SH2D3C: variants seen among roughly 807,000 people sequenced by gnomAD.
SH2D3C encodes the protein SH2 domain containing 3C, also known as SH2 domain-containing protein 3C.
A neutral mutation model predicts 75.2 loss-of-function variants in SH2D3C; 25 were observed. The ratio of observed to expected loss-of-function variants is 0.33; its 90% CI spans 0.24 to 0.46. The LOEUF (loss-of-function observed/expected upper bound fraction) is 0.46. Ranked by LOEUF, SH2D3C falls within the 20% of genes least tolerant of loss-of-function variation. SH2D3C has a pLI of 1.00. For synonymous variants in SH2D3C, 450 were observed against 473.7 expected (o/e 0.95, Z 0.65); for missense variants, 933 against 1,165.3 (o/e 0.80, Z 2.90).
chr9:127,755,382 C>T (rs1174002197), intron 3 of SH2D3C: 2 of 350,750 alleles, frequency 5.7e-6, no homozygotes, highest in Non-Finnish European at 9.6e-6. Flanking sequence ...CCGCCCGCCC[C>T]CCGCTCCCAG....
At chr9:127,747,366 G>T in intron 5 of SH2D3C, 95 bp from the exon 6 acceptor site, 1 of 1,184,070 alleles carries the variant, frequency 8.4e-7, no homozygotes, top group Non-Finnish European at 1.2e-6. Context: ...GAACTTCAGA[G>T]GCAGAGAAGG....
chr9:127,767,002 C>A (rs373507513), intron 2 of SH2D3C: 1 of 1,536,066 alleles, frequency 6.5e-7, no homozygotes, highest in African/African-American at 1.4e-5. Flanking sequence ...TCTGCCAGGA[C>A]ACCAGCCATG....
chr9:127,768,591 A>C (rs1845677690), intron 2 of SH2D3C, among the ~76,000 whole-genome samples: 1 of 152,204 alleles, frequency 6.6e-6, no homozygotes, highest in African/African-American at 2.4e-5. Flanking sequence ...GTCTCAAAAA[A>C]ACATCAAACA....
chr9:127,765,290 T>C (rs2131799063), intron 2 of SH2D3C, among the ~76,000 whole-genome samples: 1 of 152,356 alleles, frequency 6.6e-6, no homozygotes, highest in East Asian at 1.9e-4. Context: ...AATTCTGCCC[T>C]GACCCCTCAT....
At chr9:127,756,944 T>G (rs866503802) in intron 3 of SH2D3C, among the ~76,000 whole-genome samples, 4 of 152,134 alleles carry the variant, frequency 2.6e-5, no homozygotes, top group African/African-American at 7.2e-5. Context: ...TTCTTGTTTT[T>G]TTGAGACAGA....
At chr9:127,746,895 A>G (rs1845046341) in intron 6 of SH2D3C, among the ~76,000 whole-genome samples, 1 of 152,214 alleles carries the variant, frequency 6.6e-6, no homozygotes, top group Non-Finnish European at 1.5e-5. Context: ...CCAAGATCCC[A>G]CCACTGCACT....
chr9:127,771,946 C>G (rs1358235480), intron 2 of SH2D3C, among the ~76,000 whole-genome samples: 6 of 152,188 alleles, frequency 3.9e-5, no homozygotes, highest in Admixed American at 3.3e-4. Context: ...CTCACCACAA[C>G]CCGACCAGGT....
At chr9:127,775,594 T>G (rs1364574232) in intron 1 of SH2D3C, among the ~76,000 whole-genome samples, 1 of 151,844 alleles carries the variant, frequency 6.6e-6, no homozygotes, top group Non-Finnish European at 1.5e-5. Context: ...ACCATTGCAC[T>G]CCAGCCTGGG....
In SH2D3C at chr9:127,774,570, G is replaced by T; in HGVS notation, c.38-103C>A. 1 of 684,234 alleles carries T rather than the reference G, an allele frequency of 1.5e-6. No individual in the cohort carries two copies. Among genetic ancestry groups the T allele is most frequent in the Non-Finnish European group, 2.6e-6 (1 of 390,546 alleles). 42.4% of individuals were successfully genotyped at this position (684,234 alleles called of 1,614,324 possible). A position where few individuals can be genotyped will look rare whatever the true frequency, so the allele number is the denominator to read the frequency against. Reference sequence around the variant, plus strand: ...TTCACTCGGTGAGGGGCTGAAGAGGGCTGGCGGTTTCCCAGACACCCCTTC... The same window carrying T: ...TTCACTCGGTGAGGGGCTGAAGAGGTCTGGCGGTTTCCCAGACACCCCTTC... On this transcript the variant is annotated intron_variant, in intron 1 of 11. Transcript: ENST00000314830. The surrounding 1 kb of genome is among the most constrained non-coding windows in gnomAD (Gnocchi z 4.3).
Position 127,774,520 on chromosome 9 carries a change from G to A in SH2D3C, c.38-53C>T. 1 of 925,578 alleles carries A rather than the reference G, an allele frequency of 1.1e-6. No homozygotes were observed. The highest frequency in any genetic ancestry group is 1.8e-6 in the Non-Finnish European group (1 of 570,394). The allele number at this position is 925,578 out of a possible 1,614,324, so 57.3% of individuals were successfully genotyped here. ...AGTTAATGACAATGTCAACATCAGTGATAATAATGAACAATTCCTGCAGTT... is the reference window on the plus strand; with the variant it reads ...AGTTAATGACAATGTCAACATCAGTAATAATAATGAACAATTCCTGCAGTT... On this transcript the variant is annotated intron_variant, in intron 1 of 11. Coordinates refer to ENST00000314830, the MANE Select transcript of SH2D3C (RefSeq NM_170600.3). This position sits in a 1 kb window ranked among gnomAD's most constrained non-coding sequence, Gnocchi z 4.3.
At chr9:127,771,232 T>A in intron 2 of SH2D3C, 1 of 1,545,036 alleles carries the variant, frequency 6.5e-7, no homozygotes, top group Non-Finnish European at 8.7e-7. Context: ...GCAGTCATGC[T>A]TCCCCCGCTG....
chr9:127,759,196 A>G (rs999869216), intron 3 of SH2D3C, among the ~76,000 whole-genome samples: 5 of 152,166 alleles, frequency 3.3e-5, no homozygotes, highest in Non-Finnish European at 5.9e-5. Context: ...GGGGTTTTCT[A>G]TATCAGCCTA....
chr9:127,749,500 G>A lies in SH2D3C; in HGVS notation c.850C>T (p.Leu284=). 1 of 1,614,214 alleles carries A rather than the reference G, an allele frequency of 6.2e-7. No homozygotes were observed. Among genetic ancestry groups the A allele is most frequent in the Non-Finnish European group, 8.5e-7 (1 of 1,180,030 alleles). ...AGESYTHIQY[L]FEQESFDHVP... ...TGGTCAAAGCTCTCCTGCTCAAACA[G>A]GTACTGGATGTGTGTGTAGCTCTCG... The change falls in exon 5 of 12, where the codon CTG becomes TTG. Residue 284 remains leucine (L), a synonymous_variant. Coordinates refer to ENST00000314830, the MANE Select transcript of SH2D3C (RefSeq NM_170600.3). This position sits in a 1 kb window ranked among gnomAD's most constrained non-coding sequence, Gnocchi z 5.9.
chr9:127,757,433 G>C (rs903925764), intron 3 of SH2D3C, among the ~76,000 whole-genome samples: 6 of 150,506 alleles, frequency 4.0e-5, no homozygotes, highest in Admixed American at 2.0e-4. Flanking sequence ...ACCATGCTCA[G>C]CTATTTTTTT....
chr9:127,757,638 TGA>T (rs756467455), intron 3 of SH2D3C, among the ~76,000 whole-genome samples: 1,675 of 118,214 alleles, frequency 0.014, 23 homozygotes, highest in African/African-American at 0.036. Flanking sequence ...ATGATGATGA[TGA>T]TGATGATTAT....
Position 127,774,152 on chromosome 9 carries a change from TC to T in SH2D3C, c.352del (p.Glu118ArgfsTer6). On this transcript the variant is annotated frameshift_variant, in exon 2 of 12. Transcript: ENST00000314830. LOFTEE classifies it high-confidence loss of function. The surrounding 1 kb of genome is among the most constrained non-coding windows in gnomAD (Gnocchi z 4.3). The stretch of plus-strand genomic sequence containing the variant: ...CTTCACCATCACCTCTTTGGCTGCC[TC>T]CAAGCCTGGGGGGTCGGGTACACCT... ...PGGVPDPPGL[E>X]AAKEVMVKAT... 2 of 1,614,054 alleles carry T rather than the reference TC, an allele frequency of 1.2e-6. No homozygotes were observed. Among genetic ancestry groups the T allele is most frequent in the Non-Finnish European group, 1.7e-6 (2 of 1,179,996 alleles).
chr9:127,774,309 C>CT lies in SH2D3C; in HGVS notation c.195dup (p.Ala66SerfsTer7). ...TACATGTCACTGGAGCGGGCATAGGCTGGGGGACTCTTGGGCACCGTCACC... is the reference window on the plus strand; with the variant it reads ...TACATGTCACTGGAGCGGGCATAGGCTTGGGGGACTCTTGGGCACCGTCACC... On this transcript the variant is annotated frameshift_variant, in exon 2 of 12. Coordinates refer to ENST00000314830, the MANE Select transcript of SH2D3C (RefSeq NM_170600.3). LOFTEE classifies it high-confidence loss of function. The surrounding 1 kb of genome is among the most constrained non-coding windows in gnomAD (Gnocchi z 4.3). 6.2e-7 allele frequency: 1 copy of CT among 1,613,988 alleles called. No homozygotes were observed. The highest frequency in any genetic ancestry group is 8.5e-7 in the Non-Finnish European group (1 of 1,180,018).
At chr9:127,750,003 T>C (rs946807020) in intron 4 of SH2D3C, among the ~76,000 whole-genome samples, 1 of 152,040 alleles carries the variant, frequency 6.6e-6, no homozygotes, top group Non-Finnish European at 1.5e-5. Context: ...CTTCTCAGGG[T>C]TCCGGTTGGG....
rs753462277 is a variant in SH2D3C at position 127,744,957 on chromosome 9, G to A, written c.1407C>T (p.Thr469=). ...CCTTGCCAAGGGTGTGGGAGGGGCT[G>A]GTGTGGGGGCCCTTGTCTGACTCCC... ...THGESDKGPH[T]SPSHTLGKAS... Residue 469 remains threonine (T), a synonymous_variant, in exon 7 of 12, where the codon ACC becomes ACT. Transcript: ENST00000314830. 1 of 1,562,652 alleles carries A rather than the reference G, an allele frequency of 6.4e-7. No homozygotes were observed. The highest frequency in any genetic ancestry group is 8.7e-7 in the Non-Finnish European group (1 of 1,152,452).
Sources: allele counts gnomAD v4.1 joint callset (sites outside exome capture counted in the v4.1 genomes callset), GRCh38; gene constraint gnomAD v4.1.1; non-coding constraint Gnocchi (gnomAD v3.1); transcripts MANE v1.5; gene names NCBI Gene and HGNC (gene_info 2026-07-23, HGNC 2026-07-21).